RAC1: variants seen among roughly 807,000 people sequenced by gnomAD.
RAC1 encodes ras-related C3 botulinum toxin substrate 1.
RAC1 carries 2 observed loss-of-function variants against 25.2 expected under a neutral mutation model. The ratio of observed to expected loss-of-function variants is 0.08; its 90% CI spans 0.03 to 0.25. The LOEUF (loss-of-function observed/expected upper bound fraction) is 0.25, where lower values mean the gene tolerates loss of function less well. Ranked by LOEUF, RAC1 falls within the 10% of genes least tolerant of loss-of-function variation. The pLI is 1.00. For missense variants in RAC1, 50 were observed against 235.7 expected, an observed-to-expected ratio of 0.21 and a Z score of 5.16; for synonymous variants, 88 against 94.0, an observed-to-expected ratio of 0.94 and a Z score of 0.37.
intron 1 of RAC1, among the ~76,000 whole-genome samples, chr7:6,382,068 A>C (rs1361252169): frequency 6.6e-6 from 1 of 152,026 alleles, no homozygotes; most frequent in South Asian, 2.1e-4. Context: ...ATCTCAGCTC[A>C]CTGCAACCTC....
chr7:6,388,384 T>C (rs971086740), intron 2 of RAC1, among the ~76,000 whole-genome samples: 7 of 147,958 alleles, frequency 4.7e-5, no homozygotes, highest in African/African-American at 1.5e-4. Context: ...CTCTCTCTCT[T>C]GCCCAGGATG....
chr7:6,391,327 C>T (rs1241141585), intron 2 of RAC1: 1 of 151,802 alleles, frequency 6.6e-6, no homozygotes, highest in Non-Finnish European at 1.5e-5. Flanking sequence ...TCTGATTTCC[C>T]TCTGTCAGCC....
chr7:6,395,785 C>T (rs1470947600), intron 3 of RAC1, among the ~76,000 whole-genome samples: 1 of 152,218 alleles, frequency 6.6e-6, no homozygotes, highest in African/African-American at 2.4e-5. Context: ...AGGCGTGAGC[C>T]ACTGCGCCTG....
intron 1 of RAC1, among the ~76,000 whole-genome samples, chr7:6,384,664 T>A (rs1782871641): frequency 6.6e-6 from 1 of 152,014 alleles, no homozygotes; most frequent in Non-Finnish European, 1.5e-5. Context: ...GGAAACAAGG[T>A]CTCCCTATGT....
At chr7:6,388,074 G>A (rs1782972110) in intron 2 of RAC1, among the ~76,000 whole-genome samples, 2 of 152,250 alleles carry the variant, frequency 1.3e-5, no homozygotes, top group Admixed American at 6.5e-5. Context: ...AGGGGGAATG[G>A]GAGGGTGGAA....
At chr7:6,392,397 G>C (rs1783113649) in intron 3 of RAC1, among the ~76,000 whole-genome samples, 1 of 152,220 alleles carries the variant, frequency 6.6e-6, no homozygotes, top group Admixed American at 6.5e-5. Flanking sequence ...AAATTAGGCA[G>C]TTAAGATTCA....
chr7:6,383,474 C>T (rs1442548559), intron 1 of RAC1, among the ~76,000 whole-genome samples: 3 of 150,096 alleles, frequency 2.0e-5, no homozygotes, highest in African/African-American at 4.9e-5. Context: ...TCTTATAAGA[C>T]ATAGATTTGT....
At chr7:6,400,245 A>G (rs1783358769) in intron 4 of RAC1, 57 bp downstream of exon 4, 1 of 1,441,248 alleles carries the variant, frequency 6.9e-7, no homozygotes. Flanking sequence ...TCAGAAATAA[A>G]TACTTTAAAA....
At chr7:6,395,055 C>T (rs1433687300) in intron 3 of RAC1, among the ~76,000 whole-genome samples, 1 of 152,142 alleles carries the variant, frequency 6.6e-6, no homozygotes, top group East Asian at 1.9e-4. Flanking sequence ...GGGGTTTCAC[C>T]ATGTTAGCCA....
intron 1 of RAC1, among the ~76,000 whole-genome samples, chr7:6,377,088 G>C (rs1782625436): frequency 6.6e-6 from 1 of 151,972 alleles, no homozygotes; most frequent in African/African-American, 2.4e-5. Flanking sequence ...CCTCGCAGGT[G>C]CCCCTTGCTG....
At chr7:6,383,778 CTTTATCTTTTTTTTTTTTTTTT>C (rs1782838349) in intron 1 of RAC1, among the ~76,000 whole-genome samples, 1 of 106,998 alleles carries the variant, frequency 9.3e-6, no homozygotes, top group Non-Finnish European at 1.9e-5. Context: ...TTTACACAAC[CTTTATCTTTTTTTTTTTTTTTT>C]TTTTTTTTTT....
chr7:6,402,099 G>T, intron 5 of RAC1, 72 bp downstream of exon 5: 1 of 1,522,632 alleles, frequency 6.6e-7, no homozygotes. Context: ...AGTCCAGTCT[G>T]GGAAAGGAGG....
At chr7:6,380,799 A>C (rs1257143449) in intron 1 of RAC1, among the ~76,000 whole-genome samples, 1 of 152,168 alleles carries the variant, frequency 6.6e-6, no homozygotes, top group South Asian at 2.1e-4. Flanking sequence ...TTGCTTTATC[A>C]TGTCTTCCTG....
chr7:6,394,408 G>T (rs1302150689), intron 3 of RAC1, among the ~76,000 whole-genome samples: 1 of 152,164 alleles, frequency 6.6e-6, no homozygotes, highest in Non-Finnish European at 1.5e-5. Context: ...GCTATGCACA[G>T]AATCAAGTCT....
rs776852536 is a variant in RAC1, at chr7:6,387,281, T to C, written c.105T>C (p.Thr35=). The change falls in exon 2 of 6, where the codon ACT becomes ACC. Residue 35 remains threonine, a splice_region_variant and synonymous_variant. Coordinates refer to ENST00000348035, the MANE Select transcript of RAC1 (RefSeq NM_006908.5). ...TNAFPGEYIP[T]VFDNYSANVM... is the part of the protein sequence containing the mutation. ...CATTTCCTGGAGAATATATCCCTAC[T>C]GTGTAAGTATCTTAAATTGGGAATT... 6.5e-7 allele frequency: 1 copy of C among 1,542,572 alleles called. No homozygotes were observed. The highest frequency in any genetic ancestry group is 1.2e-5 in the South Asian group (1 of 83,174).
intron 4 of RAC1, chr7:6,401,651 C>CA: frequency 2.4e-6 from 1 of 416,132 alleles, no homozygotes; most frequent in Admixed American, 4.1e-5. Flanking sequence ...TGGTTCTGTC[C>CA]AGCCATGATC....
chr7:6,399,654 G>A (rs976363922), intron 3 of RAC1, among the ~76,000 whole-genome samples: 3 of 152,206 alleles, frequency 2.0e-5, no homozygotes, highest in Non-Finnish European at 4.4e-5. Flanking sequence ...GGAGGGAAGG[G>A]CTCAAGTAGC....
At chr7:6,382,090 C>G (rs1457175204) in intron 1 of RAC1, among the ~76,000 whole-genome samples, 1 of 151,872 alleles carries the variant, frequency 6.6e-6, no homozygotes, top group African/African-American at 2.4e-5. Flanking sequence ...ACCCCGTGGC[C>G]TCAAGCGATA....
At chr7:6,377,644 G>T (rs1364445136) in intron 1 of RAC1, among the ~76,000 whole-genome samples, 1 of 152,146 alleles carries the variant, frequency 6.6e-6, no homozygotes, top group Non-Finnish European at 1.5e-5. Flanking sequence ...GCCGGGCACG[G>T]TAGCTCAAGC....
Sources: gnomAD v4.1 joint callset for allele counts (sites outside exome capture counted in the v4.1 genomes callset) on GRCh38, gnomAD v4.1.1 for gene constraint, MANE v1.5 for transcripts, NCBI Gene and HGNC (gene_info 2026-07-23, HGNC 2026-07-21) for gene names.